The following THSD7B variants were observed in gnomAD, a reference collection of about 807,000 sequenced individuals.
THSD7B encodes thrombospondin type-1 domain-containing protein 7B.
Under a neutral mutation model 213.6 loss-of-function variants are expected in THSD7B, and 138 were observed. The observed-to-expected ratio is 0.65, with a 90% CI of 0.56 to 0.74. The LOEUF (loss-of-function observed/expected upper bound fraction) is 0.74. Among genes scored for constraint, THSD7B ranks in the 30% least tolerant of loss-of-function variants. The pLI is 0.00. For synonymous variants in THSD7B, 742 were observed against 687.0 expected (o/e 1.08, Z -1.25); for missense variants, 1,931 against 1,991.5 (o/e 0.97, Z 0.58).
chr2:137,170,601 T>C, intron 6 of THSD7B, 140 bp from the exon 7 acceptor site: 2 of 719,136 alleles, frequency 2.8e-6, no homozygotes, highest in East Asian at 2.7e-5. Flanking sequence ...TCACTTCACA[T>C]AGAATAAAAC....
At chr2:137,154,061 G>A (rs540485057) in intron 5 of THSD7B, among the ~76,000 whole-genome samples, 2 of 152,154 alleles carry the variant, frequency 1.3e-5, no homozygotes, top group South Asian at 4.1e-4. Context: ...GGTTGATGTT[G>A]TATTCTGGAA....
intron 5 of THSD7B, among the ~76,000 whole-genome samples, chr2:137,142,385 A>G (rs1373354699): frequency 6.6e-6 from 1 of 152,104 alleles, no homozygotes; most frequent in Non-Finnish European, 1.5e-5. Flanking sequence ...CCTGACCAAA[A>G]CACCTCTTAG....
chr2:137,094,355 G>C (rs1350015722), intron 3 of THSD7B, among the ~76,000 whole-genome samples: 1 of 152,208 alleles, frequency 6.6e-6, no homozygotes, highest in Non-Finnish European at 1.5e-5. Context: ...TGGATCACTT[G>C]AGGTCAGGAT....
chr2:137,280,341 A>G (rs1409270676), intron 12 of THSD7B, among the ~76,000 whole-genome samples: 3 of 152,244 alleles, frequency 2.0e-5, no homozygotes, highest in East Asian at 3.9e-4. Flanking sequence ...CAGCCCATCA[A>G]TACATTCAGA....
intron 15 of THSD7B, among the ~76,000 whole-genome samples, chr2:137,508,765 G>A (rs1679895113): frequency 6.6e-6 from 1 of 152,180 alleles, no homozygotes; most frequent in East Asian, 1.9e-4. Context: ...GTGCTGCCCT[G>A]TCCCTTCTCA....
intron 12 of THSD7B, among the ~76,000 whole-genome samples, chr2:137,330,546 C>T (rs552788440): frequency 8.5e-5 from 13 of 152,204 alleles, no homozygotes; most frequent in East Asian, 3.9e-4. Flanking sequence ...CTGGTGGGTT[C>T]GTGGTCGTGC....
chr2:137,094,515 A>G (rs1688003615), intron 3 of THSD7B, among the ~76,000 whole-genome samples: 1 of 152,026 alleles, frequency 6.6e-6, no homozygotes. Flanking sequence ...CAGAGGTTGC[A>G]TCACTGCACT....
intron 12 of THSD7B, among the ~76,000 whole-genome samples, chr2:137,314,512 A>C (rs1684029398): frequency 6.6e-6 from 1 of 152,150 alleles, no homozygotes; most frequent in Non-Finnish European, 1.5e-5. Flanking sequence ...CACCTCGTCA[A>C]AGTCATTCTC....
At chr2:137,198,966 C>T (rs1425911696) in intron 7 of THSD7B, among the ~76,000 whole-genome samples, 1 of 152,162 alleles carries the variant, frequency 6.6e-6, no homozygotes, top group Non-Finnish European at 1.5e-5. Flanking sequence ...ATGTCCAGGA[C>T]TTGCACTGTT....
chr2:136,822,323 T>TA (rs1235478910), intron 1 of THSD7B, among the ~76,000 whole-genome samples: 3 of 152,188 alleles, frequency 2.0e-5, no homozygotes, highest in African/African-American at 7.2e-5. Context: ...TGTATTGACA[T>TA]ACAAAAGCCA....
Position 137,073,903 on chromosome 2 carries a change from A to G in THSD7B, c.950+16673A>G, listed in dbSNP as rs930158203. ...CATGTAGTTGAGCGGTTTTGAGTGA[A>G]TTTCTTAATCCTGAGTTCTAGTTTG... On this transcript the variant is annotated intron_variant, in intron 3 of 27. Coordinates refer to ENST00000409968, the MANE Select transcript of THSD7B (RefSeq NM_001316349.2). Among the ~76,000 whole-genome samples, 16 of 152,112 alleles carry G rather than the reference A, an allele frequency of 1.1e-4. No individual in the cohort carries two copies. In the South Asian group the frequency reaches 2.3e-3, roughly 22 times the overall value.
Position 137,276,021 on chromosome 2 carries a change from C to G in THSD7B, c.2495C>G (p.Thr832Arg). Reference sequence around the variant, plus strand: ...GAAGCCTGTGGAAAGGGGTTACAAACAAGAGGTATGATGATTTTTACATAG... The same window carrying G: ...GAAGCCTGTGGAAAGGGGTTACAAAGAAGAGGTATGATGATTTTTACATAG... ...SSEACGKGLQTRAVSCISDDN... is the reference protein window; with the variant it reads ...SSEACGKGLQRRAVSCISDDN... Residue 832 changes from threonine (T) to arginine (R), a missense_variant, in exon 12 of 28, where the codon ACA becomes AGA. Physicochemically the swap from Thr to Arg is moderately conservative, Grantham distance 71. Coordinates refer to ENST00000409968, the MANE Select transcript of THSD7B (RefSeq NM_001316349.2). The G allele has an allele frequency of 1.2e-6, 2 of 1,609,506 alleles. No individual in the cohort carries two copies. The highest frequency in any genetic ancestry group is 8.5e-7 in the Non-Finnish European group (1 of 1,177,574).
chr2:137,424,898 C>A (rs7557649), intron 14 of THSD7B, among the ~76,000 whole-genome samples: 1 of 151,416 alleles, frequency 6.6e-6, no homozygotes, highest in African/African-American at 2.4e-5. Flanking sequence ...GGTGAAACCT[C>A]GTCTCTACTA....
In THSD7B at chr2:137,076,281, C is replaced by A. The variant is rs532889297; in HGVS notation, c.951-18592C>A. ...CTTTGTTTACCTAATCAAACTAATT[C>A]GACAATGGCGGGCGCCCCTCCCCCA... On this transcript the variant is annotated intron_variant, in intron 3 of 27. Coordinates refer to ENST00000409968, the MANE Select transcript of THSD7B (RefSeq NM_001316349.2). 4.6e-5 allele frequency among the ~76,000 whole-genome samples: 7 copies of A among 152,322 alleles called. No homozygotes were observed. The South Asian group carries it at 1.2e-3, about 27-fold the overall frequency.
intron 2 of THSD7B, among the ~76,000 whole-genome samples, chr2:136,898,584 C>CCCCA (rs1423156946): frequency 3.5e-5 from 5 of 144,250 alleles, no homozygotes; most frequent in Non-Finnish European, 7.7e-5. Context: ...CCCCCGCCCC[C>CCCCA]CCGCCAAAAG....
At chr2:137,152,481 C>T (rs1679837272) in intron 5 of THSD7B, among the ~76,000 whole-genome samples, 1 of 152,080 alleles carries the variant, frequency 6.6e-6, no homozygotes, top group Non-Finnish European at 1.5e-5. Context: ...CACTTATTAG[C>T]CTTGTAATTT....
At chr2:136,850,534 G>A (rs1429362737) in intron 1 of THSD7B, among the ~76,000 whole-genome samples, 1 of 151,750 alleles carries the variant, frequency 6.6e-6, no homozygotes, top group Non-Finnish European at 1.5e-5. Context: ...GCTTGTAAGA[G>A]TTTCTTGTTG....
At position 137,170,855 on chromosome 2, in the gene THSD7B, C is replaced by T. The variant is rs2104995183; in HGVS notation, c.1640C>T (p.Ala547Val). The T allele has an allele frequency of 6.2e-7, 1 of 1,613,654 alleles. No individual in the cohort carries two copies. Among genetic ancestry groups the T allele is most frequent in the Non-Finnish European group, 8.5e-7 (1 of 1,179,786 alleles). ...GATCCAATGTGCTACCGATGGCTGG[C>T]ATCAGAAGGGATCTGTTTCCCTGAT... Reference protein sequence around the residue: ...CEDPMCYRWLASEGICFPDHG... With the variant: ...CEDPMCYRWLVSEGICFPDHG... The change falls in exon 7 of 28, where the codon GCA becomes GTA. Residue 547 changes from alanine to valine, a missense_variant. By Grantham distance (64) the Ala-to-Val change is moderately conservative (BLOSUM62 0). Transcript: ENST00000409968.
intron 7 of THSD7B, among the ~76,000 whole-genome samples, chr2:137,183,267 A>G (rs750485185): frequency 1.3e-5 from 2 of 152,154 alleles, no homozygotes; most frequent in Non-Finnish European, 2.9e-5. Context: ...GCACTGCCCC[A>G]ATGTAAACAT....
Sources: allele counts gnomAD v4.1 joint callset (sites outside exome capture counted in the v4.1 genomes callset), GRCh38; gene constraint gnomAD v4.1.1; transcripts MANE v1.5; gene names NCBI Gene and HGNC (gene_info 2026-07-23, HGNC 2026-07-21).